Variants in UBR2 observed in about 807,000 individuals in gnomAD.
UBR2 encodes the protein E3 ubiquitin-protein ligase UBR2.
Under a neutral mutation model 247.9 loss-of-function variants are expected in UBR2, and 92 were observed. The observed-to-expected ratio is 0.37, with a 90% CI of 0.31 to 0.44. The LOEUF (loss-of-function observed/expected upper bound fraction) is 0.44. Ranked by LOEUF, UBR2 falls within the 20% of genes least tolerant of loss-of-function variation. UBR2 has a pLI of 1.00. For synonymous variants in UBR2, 672 were observed against 693.5 expected, an observed-to-expected ratio of 0.97 and a Z score of 0.49; for missense variants, 1,613 against 2,112.6, an observed-to-expected ratio of 0.76 and a Z score of 4.64.
chr6:42,627,141 T>C (rs1322503309), intron 11 of UBR2, among the ~76,000 whole-genome samples: 1 of 152,116 alleles, frequency 6.6e-6, no homozygotes, highest in African/African-American at 2.4e-5. Flanking sequence ...GCTGATTGGT[T>C]GGGTCCAGGG....
intron 4 of UBR2, among the ~76,000 whole-genome samples, chr6:42,597,598 CAA>C (rs34005192): frequency 6.1e-5 from 8 of 131,786 alleles, no homozygotes; most frequent in African/African-American, 2.8e-5. Flanking sequence ...ACTCTGTCTC[CAA>C]AAAAAAAAAA....
intron 7 of UBR2, among the ~76,000 whole-genome samples, chr6:42,609,902 A>G (rs977832670): frequency 1.6e-4 from 24 of 151,610 alleles, no homozygotes; most frequent in African/African-American, 4.9e-4. Context: ...TTACAAAAAA[A>G]AAAAAAGAAA....
intron 18 of UBR2, 113 bp downstream of exon 18, chr6:42,642,594 C>T: frequency 3.7e-6 from 3 of 807,264 alleles, no homozygotes; most frequent in South Asian, 3.2e-5. Context: ...CCAGCCTAGC[C>T]CTGTCTCCTC....
At chr6:42,580,013 A>C (rs1284880316) in intron 2 of UBR2, among the ~76,000 whole-genome samples, 2 of 149,302 alleles carry the variant, frequency 1.3e-5, no homozygotes, top group Non-Finnish European at 3.0e-5. Context: ...TGATTGACCT[A>C]ATAATGAAAT....
At chr6:42,657,693 A>G (rs375372012) in intron 26 of UBR2, among the ~76,000 whole-genome samples, 100 of 152,354 alleles carry the variant, frequency 6.6e-4, no homozygotes, top group African/African-American at 2.2e-3. Context: ...GCACCTCTTA[A>G]TGCTAATTTA....
chr6:42,603,533 A>C, intron 4 of UBR2, 55 bp from the exon 5 acceptor site: 1 of 1,436,402 alleles, frequency 7.0e-7, no homozygotes, highest in South Asian at 1.5e-5. Context: ...AATGAAAATT[A>C]ATGTACATGA....
rs1047830356 is a variant in UBR2 at position 42,648,248 on chromosome 6, T to A, written c.2462+78T>A. 7.5e-6 allele frequency: 9 copies of A among 1,193,788 alleles called. No individual in the cohort carries two copies. The African/African-American group carries it at 1.2e-4, about 16-fold the overall frequency. The allele number at this position is 1,193,788 out of a possible 1,614,324, so 73.9% of individuals were successfully genotyped here. On this transcript the variant is annotated intron_variant, in intron 22 of 46. Transcript: ENST00000372901. ...ATTTTTCTTAGAGTGTTTTCTTTGA[T>A]GCAACTGAGAATGAAGTTGCAGCTT...
chr6:42,683,155 G>A (rs1328079059), intron 43 of UBR2, 44 bp downstream of exon 43: 4 of 1,518,392 alleles, frequency 2.6e-6, no homozygotes, highest in Admixed American at 3.5e-5. Flanking sequence ...TGGGAGAAAG[G>A]GTGGAATCAG....
intron 7 of UBR2, among the ~76,000 whole-genome samples, chr6:42,609,223 GA>G (rs1445831170): frequency 1.3e-5 from 2 of 152,178 alleles, no homozygotes; most frequent in Non-Finnish European, 2.9e-5. Context: ...TTATCTCATA[GA>G]AATACAAGTA....
intron 21 of UBR2, 47 bp from the exon 22 acceptor site, chr6:42,648,071 T>C (rs1796885512): frequency 6.7e-7 from 1 of 1,482,934 alleles, no homozygotes; most frequent in Non-Finnish European, 9.4e-7. Context: ...CTAAGAGTGC[T>C]AGTAGTTATT....
At chr6:42,638,820 T>G (rs2151955947) in intron 15 of UBR2, among the ~76,000 whole-genome samples, 1 of 152,192 alleles carries the variant, frequency 6.6e-6, no homozygotes, top group South Asian at 2.1e-4. Flanking sequence ...CTCTTCTGCC[T>G]TTAAAAATCA....
chr6:42,603,840 T>C (rs1793534902), intron 5 of UBR2, 122 bp downstream of exon 5: 1 of 1,042,780 alleles, frequency 9.6e-7, no homozygotes, highest in Non-Finnish European at 1.3e-6. Context: ...AACCTCAATT[T>C]TATAGTTTTA....
At chr6:42,576,522 C>CTTTTTTTTT (rs58739895) in intron 2 of UBR2, among the ~76,000 whole-genome samples, 3 of 86,136 alleles carry the variant, frequency 3.5e-5, no homozygotes, top group Non-Finnish European at 4.4e-5. Context: ...GCCTTTCCCT[C>CTTTTTTTTT]TTTTTTTTTT....
intron 42 of UBR2, among the ~76,000 whole-genome samples, chr6:42,681,437 AT>A (rs1414424307): frequency 6.6e-6 from 1 of 152,198 alleles, no homozygotes; most frequent in Non-Finnish European, 1.5e-5. Context: ...CAATTAAAAA[AT>A]AGGTAAAGGG....
intron 7 of UBR2, 80 bp downstream of exon 7, chr6:42,606,731 C>G: frequency 1.6e-6 from 2 of 1,214,802 alleles, no homozygotes; most frequent in South Asian, 2.9e-5. Flanking sequence ...ATGAACATGT[C>G]TTTCTGCTTT....
intron 25 of UBR2, among the ~76,000 whole-genome samples, chr6:42,654,201 A>C (rs1048036897): frequency 6.6e-6 from 1 of 152,180 alleles, no homozygotes; most frequent in Non-Finnish European, 1.5e-5. Flanking sequence ...AAAAGCATGG[A>C]GCTGTGGTGT....
chr6:42,578,266 C>T (rs1791649439), intron 2 of UBR2, among the ~76,000 whole-genome samples: 1 of 152,162 alleles, frequency 6.6e-6, no homozygotes, highest in African/African-American at 2.4e-5. Flanking sequence ...CACAAGCTTA[C>T]TGTAATGCTT....
intron 4 of UBR2, among the ~76,000 whole-genome samples, chr6:42,599,416 GAAA>G (rs1001768372): frequency 6.6e-6 from 1 of 151,758 alleles, no homozygotes; most frequent in African/African-American, 2.4e-5. Flanking sequence ...TTAAAGAAAA[GAAA>G]AAAGAGAGAA....
intron 2 of UBR2, among the ~76,000 whole-genome samples, chr6:42,586,422 A>C (rs903546057): frequency 6.6e-6 from 1 of 152,014 alleles, no homozygotes; most frequent in Non-Finnish European, 1.5e-5. Context: ...TTCCATGTGC[A>C]TTTGAAAAGA....
Sources: allele counts gnomAD v4.1 joint callset (sites outside exome capture counted in the v4.1 genomes callset), GRCh38; gene constraint gnomAD v4.1.1; transcripts MANE v1.5; gene names NCBI Gene and HGNC (gene_info 2026-07-23, HGNC 2026-07-21).